SLC8A1: variants seen among roughly 807,000 people sequenced by gnomAD.
The protein encoded by SLC8A1 is solute carrier family 8 member A1.
In SLC8A1, 18 loss-of-function variants were observed where a neutral mutation model predicts 68.3. The ratio of observed to expected loss-of-function variants is 0.26; its 90% confidence interval spans 0.18 to 0.39. SLC8A1 has a LOEUF of 0.39. Among genes scored for constraint, SLC8A1 ranks in the 10% least tolerant of loss-of-function variants. The pLI is 1.00. For missense variants in SLC8A1, 985 were observed against 1,156.7 expected (o/e 0.85, Z 2.15); for synonymous variants, 475 against 415.5 (o/e 1.14, Z -1.74).
chr2:40,452,739 C>G (rs533964897), upstream of SLC8A1, among the ~76,000 whole-genome samples: 2 of 150,702 alleles, frequency 1.3e-5, no homozygotes, highest in African/African-American at 4.9e-5. Context: ...CTACTAGATG[C>G]TGACACAAGC....
At chr2:40,208,064 G>A (rs1159507676) in intron 2 of SLC8A1, among the ~76,000 whole-genome samples, 2 of 152,086 alleles carry the variant, frequency 1.3e-5, no homozygotes, top group Non-Finnish European at 2.9e-5. Context: ...TTACATACAT[G>A]TATATTCACC....
chr2:40,431,159 C>G (rs1392398309), intron 1 of SLC8A1, among the ~76,000 whole-genome samples: 1 of 151,938 alleles, frequency 6.6e-6, no homozygotes, highest in East Asian at 1.9e-4. Flanking sequence ...TTTCTGCAGG[C>G]TGGAAAGGGA....
chr2:40,139,549 A>T (rs760613427), exon 7 of SLC8A1: 1 of 1,614,196 alleles, frequency 6.2e-7, no homozygotes. Flanking sequence ...ACGCCCAGCC[A>T]TTCCAGTATT....
At chr2:40,308,978 T>A (rs115465855) in intron 2 of SLC8A1, among the ~76,000 whole-genome samples, 1 of 152,158 alleles carries the variant, frequency 6.6e-6, no homozygotes, top group African/African-American at 2.4e-5. Flanking sequence ...TTGGTCTCCA[T>A]AGTTAACTGG....
At chr2:40,232,171 G>C (rs1475328553) in intron 2 of SLC8A1, among the ~76,000 whole-genome samples, 1 of 152,056 alleles carries the variant, frequency 6.6e-6, no homozygotes, top group Non-Finnish European at 1.5e-5. Context: ...TTTGGAAACG[G>C]AAAACCTTAG....
At chr2:40,435,068 C>T (rs17026011) in intron 1 of SLC8A1, among the ~76,000 whole-genome samples, 7,510 of 152,170 alleles carry the variant, frequency 0.049, 364 homozygotes, top group East Asian at 0.26. Context: ...GCTGGCATTC[C>T]TAACAGCCCA....
intron 2 of SLC8A1, among the ~76,000 whole-genome samples, chr2:40,238,332 A>C (rs932487903): frequency 6.6e-6 from 1 of 152,146 alleles, no homozygotes; most frequent in African/African-American, 2.4e-5. Context: ...AGCCCGTTGG[A>C]AAAGCGCAGT....
At chr2:40,230,894 A>G (rs1314152014) in intron 2 of SLC8A1, among the ~76,000 whole-genome samples, 2 of 152,218 alleles carry the variant, frequency 1.3e-5, no homozygotes, top group Non-Finnish European at 2.9e-5. Flanking sequence ...GTCTGCTGCC[A>G]TCTATGTGGA....
chr2:40,382,066 C>G (rs1226659708), intron 2 of SLC8A1, among the ~76,000 whole-genome samples: 1 of 152,034 alleles, frequency 6.6e-6, no homozygotes, highest in Non-Finnish European at 1.5e-5. Context: ...GTGCAGCAAG[C>G]AGTAGGACCT....
intron 1 of SLC8A1, among the ~76,000 whole-genome samples, chr2:40,498,859 T>A (rs1046378012): frequency 7.9e-5 from 12 of 152,118 alleles, no homozygotes; most frequent in African/African-American, 2.9e-4. Context: ...GGGGTGGATC[T>A]GAAGATCCTG....
intron 2 of SLC8A1, among the ~76,000 whole-genome samples, chr2:40,248,642 G>A (rs2062240491): frequency 6.6e-6 from 1 of 152,108 alleles, no homozygotes; most frequent in South Asian, 2.1e-4. Flanking sequence ...CTTTATTGGG[G>A]GAGGTAATAA....
chr2:40,132,545 G>C (rs980957871), intron 7 of SLC8A1, among the ~76,000 whole-genome samples: 20 of 151,644 alleles, frequency 1.3e-4, no homozygotes, highest in African/African-American at 4.8e-4. Context: ...AAAGCGACAG[G>C]ACCCAGTAAA....
At chr2:40,139,519 G>A in exon 7 of SLC8A1, 1 of 1,614,190 alleles carries the variant, frequency 6.2e-7, no homozygotes, top group Non-Finnish European at 8.5e-7. Flanking sequence ...GGCCAATCAT[G>A]AGGATGGAGA....
At position 40,368,632 on chromosome 2, in the gene SLC8A1, G is replaced by A. The variant is rs76597294; in HGVS notation, c.1808+59841C>T. On this transcript the variant is annotated intron_variant, in intron 2 of 7. Transcript: ENST00000406785. ...TTAAGTTCAAGTGGTACAAGTGTAG[G>A]TTTGTTACACAGGTAAACTTGTGTC... 2.8e-3 allele frequency among the ~76,000 whole-genome samples: 430 copies of A among 152,080 alleles called. 2 individuals carry two copies. Among genetic ancestry groups the A allele is most frequent in the African/African-American group, 9.9e-3 (409 of 41,518 alleles).
At chr2:40,511,780 T>C (rs891808394) in intron 1 of SLC8A1, among the ~76,000 whole-genome samples, 1 of 152,142 alleles carries the variant, frequency 6.6e-6, no homozygotes, top group African/African-American at 2.4e-5. Flanking sequence ...TAAGACCCCG[T>C]GTTTGTGAAA....
chr2:40,311,322 A>C (rs79976238), intron 2 of SLC8A1, among the ~76,000 whole-genome samples: 1,933 of 152,272 alleles, frequency 0.013, 34 homozygotes, highest in African/African-American at 0.044. Context: ...TGTAACTTTT[A>C]AATCAGTTTC....
chr2:40,213,171 C>T (rs990990833), intron 2 of SLC8A1: 1 of 152,142 alleles, frequency 6.6e-6, no homozygotes, highest in African/African-American at 2.4e-5. Context: ...ATTTCCAGGC[C>T]TCAAATTCCT....
intron 1 of SLC8A1, among the ~76,000 whole-genome samples, chr2:40,436,934 T>C (rs111819568): frequency 6.4e-4 from 97 of 152,268 alleles, no homozygotes; most frequent in Middle Eastern, 3.4e-3. Flanking sequence ...TTAAGGGCCC[T>C]ACTCAGGGCA....
intron 2 of SLC8A1, among the ~76,000 whole-genome samples, chr2:40,297,175 C>T (rs1478923286): frequency 6.6e-6 from 1 of 152,086 alleles, no homozygotes. Flanking sequence ...TCCTATTCAT[C>T]CCTTAATTCT....
Sources: gnomAD v4.1 joint callset for allele counts (sites outside exome capture counted in the v4.1 genomes callset) on GRCh38, gnomAD v4.1.1 for gene constraint, MANE v1.5 for transcripts, NCBI Gene and HGNC (gene_info 2026-07-23, HGNC 2026-07-21) for gene names.